TNRC6B: variants seen among roughly 807,000 people sequenced by gnomAD.
TNRC6B encodes the protein trinucleotide repeat-containing gene 6B protein.
Under a neutral mutation model 203.6 loss-of-function variants are expected in TNRC6B, and 52 were observed. That is an observed-to-expected ratio of 0.26 (90% CI 0.20 to 0.32). The LOEUF (loss-of-function observed/expected upper bound fraction) is 0.32, where lower values mean the gene tolerates loss of function less well. Among genes scored for constraint, TNRC6B ranks in the 10% least tolerant of loss-of-function variants. The pLI is 1.00. For missense variants in TNRC6B, 1,923 were observed against 2,286.2 expected (o/e 0.84, Z 3.24); for synonymous variants, 838 against 845.7 (o/e 0.99, Z 0.16).
chr22:40,134,221 A>G (rs1450850486), intron 3 of TNRC6B, among the ~76,000 whole-genome samples: 1 of 152,222 alleles, frequency 6.6e-6, no homozygotes, highest in Non-Finnish European at 1.5e-5. Flanking sequence ...AAGTCAGGCA[A>G]TCAAGTCAAC....
At chr22:40,226,646 G>T (rs943421796) in intron 1 of TNRC6B, among the ~76,000 whole-genome samples, 1 of 152,240 alleles carries the variant, frequency 6.6e-6, no homozygotes, top group Non-Finnish European at 1.5e-5. Context: ...TCCTCCTAGA[G>T]TTGAGAACAC....
intron 12 of TNRC6B, among the ~76,000 whole-genome samples, chr22:40,296,488 C>G (rs2070943817): frequency 3.3e-5 from 5 of 151,674 alleles, no homozygotes; most frequent in Admixed American, 3.3e-4. Flanking sequence ...CCCGCCATCA[C>G]TCCCGGCTAA....
At chr22:40,207,432 T>A (rs1176765567) in intron 1 of TNRC6B, among the ~76,000 whole-genome samples, 90 of 139,050 alleles carry the variant, frequency 6.5e-4, no homozygotes, top group Middle Eastern at 3.5e-3. Context: ...TATATATATA[T>A]ATATATATAT....
At chr22:40,134,823 A>T (rs921063710) in intron 3 of TNRC6B, among the ~76,000 whole-genome samples, 1 of 152,208 alleles carries the variant, frequency 6.6e-6, no homozygotes, top group Non-Finnish European at 1.5e-5. Context: ...TATCTTCCTA[A>T]TTTTTCTGTA....
chr22:40,258,327 C>T (rs1479324763), intron 3 of TNRC6B, among the ~76,000 whole-genome samples: 1 of 151,928 alleles, frequency 6.6e-6, no homozygotes, highest in South Asian at 2.1e-4. Flanking sequence ...CATTCTGGAC[C>T]ATGATGATGG....
intron 1 of TNRC6B, among the ~76,000 whole-genome samples, chr22:40,078,579 A>G (rs1244933556): frequency 1.3e-5 from 2 of 151,410 alleles, no homozygotes; most frequent in African/African-American, 4.9e-5. Flanking sequence ...AGCAGTATCT[A>G]CTTTTTATTA....
intron 15 of TNRC6B, among the ~76,000 whole-genome samples, chr22:40,304,786 G>A: frequency 6.6e-6 from 1 of 151,922 alleles, no homozygotes; most frequent in East Asian, 1.9e-4. Flanking sequence ...TATTTATTTG[G>A]TATATCCCTG....
At chr22:40,272,512 G>A (rs1201319390) in intron 6 of TNRC6B, among the ~76,000 whole-genome samples, 1 of 152,206 alleles carries the variant, frequency 6.6e-6, no homozygotes, top group African/African-American at 2.4e-5. Context: ...CCTGTCATGT[G>A]GGAGAGTAGA....
At chr22:40,053,181 A>G (rs376886323) in intron 1 of TNRC6B, among the ~76,000 whole-genome samples, 15 of 151,150 alleles carry the variant, frequency 9.9e-5, no homozygotes, top group African/African-American at 3.2e-4. Context: ...AAAAAAAACT[A>G]TGTTTAGATA....
chr22:40,173,315 T>C (rs1001902798), upstream of TNRC6B, among the ~76,000 whole-genome samples: 5 of 152,086 alleles, frequency 3.3e-5, no homozygotes, highest in African/African-American at 1.2e-4. Context: ...CAGGATGGTC[T>C]TGATCACTTG....
intron 3 of TNRC6B, among the ~76,000 whole-genome samples, chr22:40,133,657 G>C (rs2068572191): frequency 6.6e-6 from 1 of 152,080 alleles, no homozygotes; most frequent in Non-Finnish European, 1.5e-5. Flanking sequence ...ATATGCAGAG[G>C]GAACTGTGTA....
chr22:40,090,734 A>G (rs1471362913), intron 1 of TNRC6B, among the ~76,000 whole-genome samples: 1 of 152,184 alleles, frequency 6.6e-6, no homozygotes, highest in African/African-American at 2.4e-5. Flanking sequence ...AACCCATTCA[A>G]TTGAAAAATC....
intron 1 of TNRC6B, among the ~76,000 whole-genome samples, chr22:40,236,694 G>C (rs1376385168): frequency 1.3e-5 from 2 of 152,158 alleles, no homozygotes; most frequent in African/African-American, 4.8e-5. Flanking sequence ...GATGAACCCT[G>C]GCTGTTCTTC....
At chr22:40,119,350 T>G (rs1393910314) in intron 2 of TNRC6B, among the ~76,000 whole-genome samples, 1 of 152,108 alleles carries the variant, frequency 6.6e-6, no homozygotes, top group African/African-American at 2.4e-5. Flanking sequence ...TTGGGAGGCC[T>G]AGGCGGGCGG....
At chr22:40,055,488 C>A (rs1163381985) in intron 1 of TNRC6B, among the ~76,000 whole-genome samples, 2 of 152,160 alleles carry the variant, frequency 1.3e-5, no homozygotes, top group Non-Finnish European at 2.9e-5. Flanking sequence ...AGCTGACTTA[C>A]AGTTGAACCA....
In TNRC6B at chr22:40,163,613, T is replaced by C. The variant is rs934137920; in HGVS notation, c.113+7431T>C. ...CCCGTCTATACTAAAACTACAAAAT[T>C]AGCCAGGTGTGGTGGCGCATGCCTG... On this transcript the variant is annotated intron_variant, in intron 4 of 23. Coordinates refer to the TNRC6B transcript ENST00000301923. Among the ~76,000 whole-genome samples the C allele has an allele frequency of 3.3e-5, 5 of 151,586 alleles. No individual in the cohort carries two copies. In the East Asian group the frequency reaches 9.7e-4, roughly 29 times the overall value.
intron 15 of TNRC6B, among the ~76,000 whole-genome samples, chr22:40,307,801 A>G (rs762921657): frequency 5.9e-5 from 9 of 152,066 alleles, no homozygotes; most frequent in African/African-American, 9.7e-5. Flanking sequence ...CAGGCTGCCA[A>G]TTCTCTTCCT....
intron 2 of TNRC6B, among the ~76,000 whole-genome samples, chr22:40,117,879 C>G (rs915667568): frequency 6.6e-6 from 1 of 152,120 alleles, no homozygotes; most frequent in South Asian, 2.1e-4. Flanking sequence ...TTATTTGTAT[C>G]TGTCTCCTTT....
intron 12 of TNRC6B, among the ~76,000 whole-genome samples, chr22:40,295,214 G>A (rs1370802406): frequency 1.3e-5 from 2 of 152,158 alleles, no homozygotes; most frequent in Non-Finnish European, 2.9e-5. Flanking sequence ...GGTGGCTCAC[G>A]CCTGTAATCC....
Sources: gnomAD v4.1 joint callset for allele counts (sites outside exome capture counted in the v4.1 genomes callset) on GRCh38, gnomAD v4.1.1 for gene constraint, MANE v1.5 for transcripts, NCBI Gene and HGNC (gene_info 2026-07-23, HGNC 2026-07-21) for gene names.